The following EPB41L2 variants were observed in gnomAD, a reference collection of about 807,000 sequenced individuals.
EPB41L2 encodes erythrocyte membrane protein band 4.1 like 2, also known as band 4.1-like protein 2.
Under a neutral mutation model 113.0 loss-of-function variants are expected in EPB41L2, and 43 were observed. The observed-to-expected ratio is 0.38, with a 90% CI of 0.30 to 0.49. EPB41L2 has a LOEUF of 0.49. Among genes scored for constraint, EPB41L2 ranks in the 20% least tolerant of loss-of-function variants. EPB41L2 has a pLI of 0.95. For missense variants in EPB41L2, 1,147 were observed against 1,223.4 expected (o/e 0.94, Z 0.93); for synonymous variants, 442 against 436.7 (o/e 1.01, Z -0.15).
rs539148464 is a variant in EPB41L2 at position 130,883,227 on chromosome 6, G to A, written c.1833+1869C>T. The A allele has an allele frequency of 2.6e-5, 4 of 152,670 alleles. No homozygotes were observed. The South Asian group carries it at 8.3e-4, about 32-fold the overall frequency. 9.5% of individuals were successfully genotyped at this position (152,670 alleles called of 1,614,324 possible). A position where few individuals can be genotyped will look rare whatever the true frequency, so the allele number is the denominator to read the frequency against. The stretch of plus-strand genomic sequence containing the variant: ...AATTACACAACAGATACAATCAAAG[G>A]AAAAACAGATGCAAGAGAGAAAGAG... On this transcript the variant is annotated intron_variant, in intron 12 of 19. Coordinates refer to ENST00000337057, the MANE Select transcript of EPB41L2 (RefSeq NM_001431.4).
At chr6:131,061,174 A>G (rs1318077962) in intron 1 of EPB41L2, among the ~76,000 whole-genome samples, 1 of 152,212 alleles carries the variant, frequency 6.6e-6, no homozygotes, top group Non-Finnish European at 1.5e-5. Flanking sequence ...TTAAAAGGAA[A>G]GAAACCGTCC....
chr6:130,894,301 T>C (rs764630822), intron 10 of EPB41L2, 43 bp downstream of exon 10: 3 of 1,502,568 alleles, frequency 2.0e-6, no homozygotes, highest in Non-Finnish European at 2.8e-6. Context: ...ATTACAGGCA[T>C]GTGCGATCAT....
chr6:131,054,909 G>T (rs935705777), intron 1 of EPB41L2, among the ~76,000 whole-genome samples: 1 of 152,176 alleles, frequency 6.6e-6, no homozygotes, highest in South Asian at 2.1e-4. Flanking sequence ...GGTTCATATT[G>T]TTACTAACAG....
intron 3 of EPB41L2, among the ~76,000 whole-genome samples, chr6:130,941,799 G>T (rs1472102425): frequency 1.3e-5 from 2 of 152,190 alleles, no homozygotes; most frequent in Non-Finnish European, 2.9e-5. Context: ...ATGAGATGTA[G>T]TTTGATTACT....
At chr6:130,964,915 A>ACTGTACAACACT (rs1774640263) in intron 1 of EPB41L2, among the ~76,000 whole-genome samples, 1 of 152,224 alleles carries the variant, frequency 6.6e-6, no homozygotes, top group African/African-American at 2.4e-5. Context: ...CCAGCTCTAA[A>ACTGTACAACACT]GACCTTGTAC....
At chr6:130,948,155 T>C (rs1347675018) in intron 3 of EPB41L2, among the ~76,000 whole-genome samples, 3 of 152,216 alleles carry the variant, frequency 2.0e-5, no homozygotes, top group Admixed American at 1.3e-4. Flanking sequence ...AATGAAAAGA[T>C]ACTCTAACTA....
chr6:130,878,126 G>C lies in EPB41L2; in HGVS notation c.2021C>G (p.Pro674Arg). 1.2e-6 allele frequency: 2 copies of C among 1,613,270 alleles called. No homozygotes were observed. Among genetic ancestry groups the C allele is most frequent in the Non-Finnish European group, 1.7e-6 (2 of 1,179,722 alleles). ...TACCCCTTGTGTCTGTAGGGACAGA[G>C]GTGTGATACGTCGTTTTTCCCATTC... ...PNEWEKRRIT[P>R]LSLQTQGSSH... The change falls in exon 14 of 20, where the codon CCT becomes CGT. Residue 674 changes from proline (P) to arginine (R), a missense_variant. By Grantham distance (103) the Pro-to-Arg change is moderately radical. Transcript: ENST00000337057.
intron 1 of EPB41L2, among the ~76,000 whole-genome samples, chr6:130,990,645 TAAAG>T (rs1464597213): frequency 2.0e-5 from 3 of 151,982 alleles, no homozygotes; most frequent in East Asian, 1.9e-4. Context: ...GATTGTAAAA[TAAAG>T]AGATAACCCT....
intron 4 of EPB41L2, among the ~76,000 whole-genome samples, chr6:130,911,145 A>G (rs991073245): frequency 6.6e-6 from 1 of 152,250 alleles, no homozygotes; most frequent in African/African-American, 2.4e-5. Context: ...TCAATGATAG[A>G]CTGGATAAAG....
chr6:130,859,621 AT>A, intron 18 of EPB41L2, among the ~76,000 whole-genome samples: 1 of 152,040 alleles, frequency 6.6e-6, no homozygotes, highest in Non-Finnish European at 1.5e-5. Flanking sequence ...AAGCCATGCA[AT>A]TTTTTCTTTT....
In EPB41L2 at chr6:130,967,878, C is replaced by T. The variant is rs907206653; in HGVS notation, c.-14-11379G>A. Among the ~76,000 whole-genome samples the T allele has an allele frequency of 4.6e-5, 7 of 152,122 alleles. No individual in the cohort carries two copies. In the East Asian group the frequency reaches 7.7e-4, roughly 17 times the overall value. ...AGTATTTAGGGAACATTTATTTGGGCCACCCCCCTATTAATGCTCTATAGA... is the reference window on the plus strand; with the variant it reads ...AGTATTTAGGGAACATTTATTTGGGTCACCCCCCTATTAATGCTCTATAGA... On this transcript the variant is annotated intron_variant, in intron 1 of 19. Transcript: ENST00000337057.
At chr6:130,854,279 A>T (rs941062131) in intron 19 of EPB41L2, among the ~76,000 whole-genome samples, 6 of 143,540 alleles carry the variant, frequency 4.2e-5, no homozygotes, top group African/African-American at 1.5e-4. Context: ...TCTATCACGG[A>T]ATCCTCAATA....
intron 1 of EPB41L2, among the ~76,000 whole-genome samples, chr6:130,968,669 C>T (rs932862847): frequency 5.9e-5 from 9 of 151,782 alleles, no homozygotes; most frequent in East Asian, 1.9e-4. Context: ...AACTTTCCCT[C>T]GGCGGGAAAA....
chr6:131,056,551 T>C (rs1797637729), intron 1 of EPB41L2, among the ~76,000 whole-genome samples: 1 of 152,378 alleles, frequency 6.6e-6, no homozygotes, highest in East Asian at 1.9e-4. Flanking sequence ...TTTCAAAGAC[T>C]GTACTTCCAC....
intron 1 of EPB41L2, among the ~76,000 whole-genome samples, chr6:130,957,546 G>C (rs1817845325): frequency 6.6e-6 from 1 of 151,872 alleles, no homozygotes; most frequent in Non-Finnish European, 1.5e-5. Flanking sequence ...TGTAGTCACA[G>C]CTACTTGGGA....
chr6:131,025,202 T>C (rs750211664), intron 1 of EPB41L2, among the ~76,000 whole-genome samples: 2 of 152,170 alleles, frequency 1.3e-5, no homozygotes, highest in Non-Finnish European at 2.9e-5. Flanking sequence ...TAAGGCCTGT[T>C]TCCCCCCCGG....
At chr6:130,954,036 C>CTTTTTTTTTTTTTTTTTTTTT (rs1816328530) in intron 3 of EPB41L2, among the ~76,000 whole-genome samples, 7 of 45,516 alleles carry the variant, frequency 1.5e-4, no homozygotes, top group African/African-American at 3.5e-4. Context: ...TAGTCCTTTT[C>CTTTTTTTTTTTTTTTTTTTTT]TTTCTTTTTT....
intron 10 of EPB41L2, 65 bp from the exon 11 acceptor site, chr6:130,890,531 T>A: frequency 6.6e-7 from 1 of 1,524,604 alleles, no homozygotes; most frequent in Non-Finnish European, 8.8e-7. Context: ...CTTTACGGAA[T>A]TTTTTAAAAA....
chr6:130,958,468 C>CAAAAAAAAAAA (rs200548809), intron 1 of EPB41L2, among the ~76,000 whole-genome samples: 5 of 113,864 alleles, frequency 4.4e-5, no homozygotes, highest in Admixed American at 9.2e-5. Flanking sequence ...ACAACAACAA[C>CAAAAAAAAAAA]AAAAAAAAAA....
Sources: gnomAD v4.1 joint callset for allele counts (sites outside exome capture counted in the v4.1 genomes callset) on GRCh38, gnomAD v4.1.1 for gene constraint, MANE v1.5 for transcripts, NCBI Gene and HGNC (gene_info 2026-07-23, HGNC 2026-07-21) for gene names.